Variants in TMF1 observed in about 807,000 individuals in gnomAD.
TMF1 encodes TATA element modulatory factor.
TMF1 carries 71 observed loss-of-function variants against 126.5 expected under a neutral mutation model. The observed-to-expected ratio is 0.56, with a 90% confidence interval of 0.46 to 0.68. The LOEUF (loss-of-function observed/expected upper bound fraction) is 0.68. TMF1 is among the 30% of genes least tolerant of loss of function. The probability of loss-of-function intolerance (pLI) is 0.00; values close to 1 mark genes in which losing one functional copy is unlikely to be tolerated. For missense variants in TMF1, 1,259 were observed against 1,253.2 expected (o/e 1.00, Z -0.07); for synonymous variants, 461 against 430.5 (o/e 1.07, Z -0.88).
At position 69,035,061 on chromosome 3, in the gene TMF1, C is replaced by T; in HGVS notation, c.2206G>A (p.Glu736Lys). The T allele has an allele frequency of 1.9e-6, 3 of 1,614,166 alleles. No homozygotes were observed. The highest frequency in any genetic ancestry group is 2.5e-6 in the Non-Finnish European group (3 of 1,180,020). The part of the protein sequence containing the change: ...QRTEQAAARK[E>K]DYLRHEIGEL... ...CCGATCTCATGGCGTAAATAATCCT[C>T]CTTTCTGGCAGCCGCTTGTTCTGTA... The change falls in exon 9 of 17, where the codon GAG becomes AAG. Residue 736 changes from glutamate (E) to lysine (K), a missense_variant. By Grantham distance (56) the Glu-to-Lys change is moderately conservative. Coordinates refer to ENST00000398559, the MANE Select transcript of TMF1 (RefSeq NM_007114.3).
At chr3:69,051,808 A>C in intron 1 of TMF1, 137 bp downstream of exon 1, 1 of 1,041,140 alleles carries the variant, frequency 9.6e-7, no homozygotes, top group Non-Finnish European at 1.4e-6. Flanking sequence ...AAGCAGCATT[A>C]GGGAACGGGC....
At chr3:69,043,998 G>A in intron 3 of TMF1, 122 bp from the exon 4 acceptor site, 1 of 653,822 alleles carries the variant, frequency 1.5e-6, no homozygotes. Flanking sequence ...AAATAGAACA[G>A]TTTTAGGCCT....
At chr3:69,029,535 C>T (rs541042669) in intron 11 of TMF1, among the ~76,000 whole-genome samples, 1 of 152,010 alleles carries the variant, frequency 6.6e-6, no homozygotes, top group African/African-American at 2.4e-5. Context: ...ACTTCCGCCT[C>T]CCGGGTGTAA....
chr3:69,039,128 G>A (rs1042955415), intron 6 of TMF1, 119 bp from the exon 7 acceptor site: 13 of 916,900 alleles, frequency 1.4e-5, no homozygotes, highest in African/African-American at 5.1e-5. Flanking sequence ...ACAAAGTCTC[G>A]CTCTATTGCC....
intron 4 of TMF1, among the ~76,000 whole-genome samples, chr3:69,043,170 C>CATTTTT (rs772183916): frequency 6.6e-6 from 1 of 151,958 alleles, no homozygotes; most frequent in South Asian, 2.1e-4. Context: ...CTTTCCTTTT[C>CATTTTT]ATTTTTATTT....
intron 1 of TMF1, among the ~76,000 whole-genome samples, chr3:69,051,570 C>T (rs577070817): frequency 3.3e-5 from 5 of 152,212 alleles, no homozygotes; most frequent in Non-Finnish European, 7.3e-5. Context: ...TTACGTACTT[C>T]AGACCTTGGA....
chr3:69,042,306 G>A (rs1309369102), intron 5 of TMF1: 2 of 454,982 alleles, frequency 4.4e-6, no homozygotes, highest in South Asian at 3.1e-5. Flanking sequence ...CCCAAGTGCT[G>A]AGATTACAGT....
intron 10 of TMF1, among the ~76,000 whole-genome samples, chr3:69,032,785 T>G (rs370247528): frequency 6.6e-6 from 1 of 152,084 alleles, no homozygotes; most frequent in Non-Finnish European, 1.5e-5. Flanking sequence ...GATTTTTGTA[T>G]TTTTGGTAGA....
At chr3:69,033,270 T>A (rs1575812092) in intron 10 of TMF1, among the ~76,000 whole-genome samples, 2 of 54,268 alleles carry the variant, frequency 3.7e-5, no homozygotes, top group Admixed American at 3.4e-4. Flanking sequence ...TGAGACTCCA[T>A]CTCAAAAAAA....
At chr3:69,023,972 C>A (rs1467403540) in intron 16 of TMF1, 83 bp downstream of exon 16, 2 of 1,304,550 alleles carry the variant, frequency 1.5e-6, no homozygotes, top group Admixed American at 5.7e-5. Flanking sequence ...AAATCACTAA[C>A]ACATACTATA....
rs1207998096 is a variant in TMF1 at position 69,022,235 on chromosome 3, TTTG to T, written c.*939_*941del. On this transcript the variant is annotated 3_prime_UTR_variant, in exon 17 of 17. Coordinates refer to ENST00000398559, the MANE Select transcript of TMF1 (RefSeq NM_007114.3). ...AAGTTAATTCCTATAATTCTTCCAT[TTTG>T]TTATGAATATTCTGTAATATCAAAC... 1 of 152,386 alleles carries T rather than the reference TTTG, an allele frequency of 6.6e-6. No individual in the cohort carries two copies. The highest frequency in any genetic ancestry group is 1.5e-5 in the Non-Finnish European group (1 of 68,030). 9.4% of individuals were successfully genotyped at this position (152,386 alleles called of 1,614,324 possible). A position where few individuals can be genotyped will look rare whatever the true frequency, so the allele number is the denominator to read the frequency against.
intron 15 of TMF1, chr3:69,024,667 GTTCT>G (rs1243508192): frequency 6.6e-6 from 1 of 152,044 alleles, no homozygotes; most frequent in African/African-American, 2.4e-5. Flanking sequence ...GCCAATTCAA[GTTCT>G]TTAATATTTT....
Position 69,035,086 on chromosome 3 carries a change from A to G in TMF1, c.2181T>C (p.Arg727=). The G allele has an allele frequency of 1.2e-6, 2 of 1,614,212 alleles. No individual in the cohort carries two copies. Among genetic ancestry groups the G allele is most frequent in the South Asian group, 2.2e-5 (2 of 91,084 alleles). The change falls in exon 9 of 17, where the codon CGT becomes CGC. Residue 727 remains arginine (R), a synonymous_variant. Transcript: ENST00000398559. ...CCTTTCTGGCAGCCGCTTGTTCTGT[A>G]CGCTGCAATGCAAGCCTAAGGTCCC... is the stretch of plus-strand genomic sequence containing the variant. ...QVGDLRLALQ[R]TEQAAARKED... is the part of the protein sequence containing the mutation.
chr3:69,029,539 G>A (rs1197736151), intron 11 of TMF1, among the ~76,000 whole-genome samples: 1 of 151,806 alleles, frequency 6.6e-6, no homozygotes, highest in Non-Finnish European at 1.5e-5. Context: ...CCGCCTCCCG[G>A]GTGTAAGCGA....
intron 8 of TMF1, 27 bp downstream of exon 8, chr3:69,038,537 T>C: frequency 6.3e-7 from 1 of 1,599,294 alleles, no homozygotes; most frequent in South Asian, 1.1e-5. Context: ...TTTTTAAAAC[T>C]ACTCTAATTC....
intron 10 of TMF1, among the ~76,000 whole-genome samples, chr3:69,033,273 CAA>C (rs34778745): frequency 2.0e-3 from 168 of 85,592 alleles, no homozygotes; most frequent in Middle Eastern, 0.013. Flanking sequence ...GACTCCATCT[CAA>C]AAAAAAAAAA....
chr3:69,039,372 G>C (rs554245185), intron 6 of TMF1, among the ~76,000 whole-genome samples, 179 bp downstream of exon 6: 1 of 152,290 alleles, frequency 6.6e-6, no homozygotes, highest in South Asian at 2.1e-4. Context: ...AAAGTGTTGG[G>C]ATTACAGGCG....
intron 8 of TMF1, among the ~76,000 whole-genome samples, chr3:69,037,821 G>GAA (rs148799360): frequency 1.4e-5 from 2 of 142,928 alleles, no homozygotes; most frequent in African/African-American, 2.6e-5. Context: ...TATATAAATT[G>GAA]AAAAAAAAAA....
intron 10 of TMF1, among the ~76,000 whole-genome samples, chr3:69,033,188 T>C (rs1018375891): frequency 1.3e-5 from 2 of 150,336 alleles, no homozygotes; most frequent in African/African-American, 4.9e-5. Context: ...GCAGGAGAAT[T>C]GTGTGAACCT....
Sources: allele counts gnomAD v4.1 joint callset (sites outside exome capture counted in the v4.1 genomes callset), GRCh38; gene constraint gnomAD v4.1.1; transcripts MANE v1.5; gene names NCBI Gene and HGNC (gene_info 2026-07-23, HGNC 2026-07-21).